TTLL5: variants seen among roughly 807,000 people sequenced by gnomAD.
TTLL5 encodes the protein tubulin tyrosine ligase like 5, also known as tubulin polyglutamylase TTLL5.
Under a neutral mutation model 168.4 loss-of-function variants are expected in TTLL5, and 132 were observed. That is an observed-to-expected ratio of 0.78 (90% CI 0.68 to 0.91). TTLL5 has a LOEUF of 0.91. TTLL5 is among the 40% of genes least tolerant of loss of function. The probability of loss-of-function intolerance (pLI) is 0.00; values close to 1 mark genes in which losing one functional copy is unlikely to be tolerated. For synonymous variants in TTLL5, 546 were observed against 558.6 expected, an observed-to-expected ratio of 0.98 and a Z score of 0.32; for missense variants, 1,545 against 1,581.5, an observed-to-expected ratio of 0.98 and a Z score of 0.39.
intron 20 of TTLL5, 116 bp downstream of exon 20, chr14:75,766,484 T>A: frequency 9.9e-7 from 1 of 1,009,018 alleles, no homozygotes; most frequent in East Asian, 2.6e-5. Context: ...ACAGAAGTCC[T>A]ATGAAATAAT....
At chr14:75,750,133 C>G (rs956943751) in intron 17 of TTLL5, among the ~76,000 whole-genome samples, 1 of 151,932 alleles carries the variant, frequency 6.6e-6, no homozygotes, top group Non-Finnish European at 1.5e-5. Context: ...TGATCTAGAT[C>G]TACTTTTTTC....
intron 28 of TTLL5, among the ~76,000 whole-genome samples, chr14:75,831,428 A>G (rs1895557074): frequency 6.6e-6 from 1 of 152,154 alleles, no homozygotes; most frequent in South Asian, 2.1e-4. Flanking sequence ...AGCAGATCCC[A>G]GCATTATCTT....
At chr14:75,887,538 T>C (rs2140040942) in intron 30 of TTLL5, among the ~76,000 whole-genome samples, 1 of 152,308 alleles carries the variant, frequency 6.6e-6, no homozygotes, top group African/African-American at 2.4e-5. Flanking sequence ...GGTAGGTAAT[T>C]ATAAAATGTT....
intron 16 of TTLL5, 83 bp from the exon 17 acceptor site, chr14:75,745,407 T>A (rs1220393024): frequency 2.1e-5 from 30 of 1,400,112 alleles, no homozygotes; most frequent in Non-Finnish European, 3.0e-5. Flanking sequence ...TATTCTTGGG[T>A]CATAACTATC....
At chr14:75,914,052 A>ATATATATATATG (rs1304496430) in intron 31 of TTLL5, among the ~76,000 whole-genome samples, 1 of 122,400 alleles carries the variant, frequency 8.2e-6, no homozygotes, top group East Asian at 2.6e-4. Flanking sequence ...ATATATATAT[A>ATATATATATATG]TATTTTATCC....
At chr14:75,911,169 C>T (rs998568365) in intron 31 of TTLL5, among the ~76,000 whole-genome samples, 2 of 152,092 alleles carry the variant, frequency 1.3e-5, no homozygotes, top group African/African-American at 2.4e-5. Context: ...CTGGGATTAC[C>T]GGCATGCGCC....
chr14:75,792,036 G>A (rs1036433704), intron 26 of TTLL5, among the ~76,000 whole-genome samples: 7 of 151,940 alleles, frequency 4.6e-5, no homozygotes, highest in Non-Finnish European at 8.8e-5. Context: ...AGCCTCCCAA[G>A]TAGCTGGGAC....
chr14:75,739,183 A>G (rs891469007), intron 15 of TTLL5, among the ~76,000 whole-genome samples: 17 of 152,136 alleles, frequency 1.1e-4, no homozygotes, highest in African/African-American at 4.1e-4. Context: ...TGCTTGAATT[A>G]CCGTAGGTTG....
chr14:75,701,526 G>A (rs1454639846), intron 7 of TTLL5, among the ~76,000 whole-genome samples: 1 of 152,226 alleles, frequency 6.6e-6, no homozygotes, highest in African/African-American at 2.4e-5. Flanking sequence ...TGGACATGGT[G>A]AGAAGCACTC....
chr14:75,844,657 T>C (rs929538650), intron 28 of TTLL5, among the ~76,000 whole-genome samples: 24 of 152,196 alleles, frequency 1.6e-4, no homozygotes, highest in East Asian at 3.8e-4. Flanking sequence ...AAGAGCTCAG[T>C]TGGGAGTCTG....
intron 15 of TTLL5, among the ~76,000 whole-genome samples, chr14:75,736,657 G>A (rs1031340302): frequency 6.6e-6 from 1 of 152,156 alleles, no homozygotes; most frequent in African/African-American, 2.4e-5. Context: ...AGTATTGGCA[G>A]CCACTTCATT....
At chr14:75,800,991 G>A (rs1893277393) in intron 27 of TTLL5, among the ~76,000 whole-genome samples, 1 of 152,210 alleles carries the variant, frequency 6.6e-6, no homozygotes, top group Non-Finnish European at 1.5e-5. Flanking sequence ...AGGAGGTGGC[G>A]CTTTCAAGAG....
chr14:75,746,514 C>T (rs1169956615), intron 17 of TTLL5, among the ~76,000 whole-genome samples: 3 of 149,052 alleles, frequency 2.0e-5, no homozygotes, highest in Non-Finnish European at 4.5e-5. Flanking sequence ...TCCCAGCTTG[C>T]TTTTAGGATT....
At chr14:75,879,625 G>GTTTTTTTTTTTTTTTTT (rs1453364884) in intron 29 of TTLL5, among the ~76,000 whole-genome samples, 1 of 152,226 alleles carries the variant, frequency 6.6e-6, no homozygotes, top group Non-Finnish European at 1.5e-5. Flanking sequence ...TAAAGGTGAA[G>GTTTTTTTTTTTTTTTTT]TAATTTTAAC....
chr14:75,794,641 C>T (rs529056087), intron 27 of TTLL5, among the ~76,000 whole-genome samples: 5 of 152,148 alleles, frequency 3.3e-5, no homozygotes, highest in Non-Finnish European at 7.4e-5. Flanking sequence ...TCAGTGCCAG[C>T]GAATTAAAAG....
chr14:75,895,198 A>G (rs1190117594), intron 30 of TTLL5, among the ~76,000 whole-genome samples: 5 of 152,236 alleles, frequency 3.3e-5, no homozygotes, highest in Admixed American at 1.3e-4. Flanking sequence ...TATGCAACCC[A>G]GCAAAAATAC....
chr14:75,662,500 A>ATTTTTTTTTT (rs541035818), intron 1 of TTLL5, among the ~76,000 whole-genome samples: 2 of 133,496 alleles, frequency 1.5e-5, no homozygotes, highest in Non-Finnish European at 3.2e-5. Flanking sequence ...AATTTTTTGT[A>ATTTTTTTTTT]TTTTTTTTTT....
At position 75,753,072 on chromosome 14, in the gene TTLL5, A is replaced by G. The variant is rs1463796086; in HGVS notation, c.1550+117A>G. ...TTATGTAAAATCTCTGCTAGAAAAAAAAGTCCTGTAGAAAGCATGCTATCA... is the reference window on the plus strand; with the variant it reads ...TTATGTAAAATCTCTGCTAGAAAAAGAAGTCCTGTAGAAAGCATGCTATCA... On this transcript the variant is annotated intron_variant, in intron 18 of 31. Transcript: ENST00000298832. 3.1e-6 allele frequency: 3 copies of G among 959,624 alleles called. No individual in the cohort carries two copies. The African/African-American group carries it at 4.9e-5, about 16-fold the overall frequency. The allele number at this position is 959,624 out of a possible 1,614,324, so 59.4% of individuals were successfully genotyped here. A position where few individuals can be genotyped will look rare whatever the true frequency, so the allele number is the denominator to read the frequency against.
chr14:75,694,893 G>A (rs191737928), intron 6 of TTLL5, among the ~76,000 whole-genome samples: 2 of 152,222 alleles, frequency 1.3e-5, no homozygotes, highest in African/African-American at 4.8e-5. Flanking sequence ...ATCTTCATAA[G>A]CTGAGGACGT....
Sources: allele counts gnomAD v4.1 joint callset (sites outside exome capture counted in the v4.1 genomes callset), GRCh38; gene constraint gnomAD v4.1.1; transcripts MANE v1.5; gene names NCBI Gene and HGNC (gene_info 2026-07-23, HGNC 2026-07-21).